The following FHIT variants were observed in gnomAD, a reference collection of about 807,000 sequenced individuals.
FHIT encodes the protein bis(5'-adenosyl)-triphosphatase.
In FHIT, 19 loss-of-function variants were observed where a neutral mutation model predicts 17.9. The observed-to-expected ratio is 1.06, with a 90% CI of 0.74 to 1.56. The LOEUF is 1.56. FHIT is among the 40% of genes most tolerant of loss of function. The pLI, the probability that FHIT is intolerant of heterozygous loss-of-function variation, is 0.00. For missense variants in FHIT, 248 were observed against 189.2 expected (o/e 1.31, Z -1.82); for synonymous variants, 81 against 69.7 (o/e 1.16, Z -0.81).
At chr3:60,613,640 C>T (rs139051015) in intron 4 of FHIT, among the ~76,000 whole-genome samples, 168 of 152,198 alleles carry the variant, frequency 1.1e-3, no homozygotes, top group African/African-American at 3.9e-3. Context: ...TCTCTCCCTA[C>T]TTCCTTTTCT....
intron 8 of FHIT, among the ~76,000 whole-genome samples, chr3:59,895,130 A>G (rs1175820631): frequency 6.6e-6 from 1 of 152,186 alleles, no homozygotes; most frequent in African/African-American, 2.4e-5. Flanking sequence ...GAATGCTACA[A>G]AACATCTCAC....
At chr3:60,677,792 G>T (rs1553695780) in intron 4 of FHIT, among the ~76,000 whole-genome samples, 1 of 152,140 alleles carries the variant, frequency 6.6e-6, no homozygotes, top group Non-Finnish European at 1.5e-5. Flanking sequence ...AAGCCATCCA[G>T]TCCTGGGCAT....
At chr3:60,490,946 C>T (rs2034037884) in intron 5 of FHIT, among the ~76,000 whole-genome samples, 1 of 152,112 alleles carries the variant, frequency 6.6e-6, no homozygotes, top group South Asian at 2.1e-4. Flanking sequence ...CTTTGTGCTA[C>T]CTTTCCTCTA....
intron 4 of FHIT, among the ~76,000 whole-genome samples, chr3:60,705,697 T>A (rs1376387141): frequency 1.3e-5 from 2 of 152,158 alleles, no homozygotes; most frequent in African/African-American, 4.8e-5. Context: ...AAATGGTGTA[T>A]ACACATATAC....
intron 8 of FHIT, among the ~76,000 whole-genome samples, chr3:59,844,035 G>A (rs1053556724): frequency 2.0e-5 from 3 of 151,934 alleles, no homozygotes; most frequent in Non-Finnish European, 2.9e-5. Context: ...TTTTGCTTCC[G>A]CTCTGGCCAT....
intron 4 of FHIT, among the ~76,000 whole-genome samples, chr3:60,798,101 T>C (rs1701050718): frequency 6.6e-6 from 1 of 152,212 alleles, no homozygotes; most frequent in Non-Finnish European, 1.5e-5. Flanking sequence ...CTCTTCTCTG[T>C]CACTGCCCTA....
At chr3:61,004,545 A>T (rs1256990527) in intron 3 of FHIT, among the ~76,000 whole-genome samples, 1 of 152,206 alleles carries the variant, frequency 6.6e-6, no homozygotes, top group Non-Finnish European at 1.5e-5. Flanking sequence ...AGGAGCACTG[A>T]CCAGAACTTG....
intron 4 of FHIT, among the ~76,000 whole-genome samples, chr3:60,639,459 C>G (rs868978506): frequency 6.6e-6 from 1 of 151,992 alleles, no homozygotes; most frequent in African/African-American, 2.4e-5. Context: ...GTTGGGGAGA[C>G]AAAATTGCAA....
intron 5 of FHIT, among the ~76,000 whole-genome samples, chr3:60,293,074 T>C (rs1272759377): frequency 6.6e-6 from 1 of 152,154 alleles, no homozygotes; most frequent in Non-Finnish European, 1.5e-5. Context: ...TTTCAGAGCA[T>C]AAAAATGTCT....
At chr3:59,887,858 T>C (rs1218544478) in intron 8 of FHIT, among the ~76,000 whole-genome samples, 1 of 152,166 alleles carries the variant, frequency 6.6e-6, no homozygotes, top group Non-Finnish European at 1.5e-5. Flanking sequence ...CAATTCCCTT[T>C]CTCCAAGATG....
chr3:61,205,604 G>A (rs576539295), intron 1 of FHIT, among the ~76,000 whole-genome samples: 2 of 152,256 alleles, frequency 1.3e-5, no homozygotes, highest in East Asian at 3.9e-4. Context: ...GTGTCTTTTG[G>A]CTGCGTAAAT....
chr3:60,120,059 A>G (rs1369958306), intron 5 of FHIT, among the ~76,000 whole-genome samples: 1 of 152,138 alleles, frequency 6.6e-6, no homozygotes, highest in African/African-American at 2.4e-5. Context: ...CCACATTTCT[A>G]ATAGTTTAAA....
intron 3 of FHIT, among the ~76,000 whole-genome samples, chr3:60,850,587 A>T (rs1348502160): frequency 6.6e-6 from 1 of 152,010 alleles, no homozygotes; most frequent in African/African-American, 2.4e-5. Context: ...ACTTATTAAA[A>T]CACCATGAAG....
At chr3:60,954,914 C>A (rs1316892994) in intron 3 of FHIT, among the ~76,000 whole-genome samples, 4 of 152,160 alleles carry the variant, frequency 2.6e-5, no homozygotes, top group African/African-American at 9.7e-5. Flanking sequence ...GTACTCCAGG[C>A]AAACACCATC....
intron 3 of FHIT, among the ~76,000 whole-genome samples, chr3:60,985,473 T>C (rs558599124): frequency 1.3e-4 from 20 of 152,296 alleles, no homozygotes; most frequent in Middle Eastern, 3.4e-3. Flanking sequence ...CCACTGCCTA[T>C]GGCCACAGGA....
At position 60,028,292 on chromosome 3, in the gene FHIT, C is replaced by T. The variant is rs186334024; in HGVS notation, c.104-14140G>A. Among the ~76,000 whole-genome samples the T allele has an allele frequency of 4.3e-4, 66 of 152,372 alleles. 2 individuals are homozygous for T. Among genetic ancestry groups the T allele is most frequent in the Admixed American group, 1.0e-3 (16 of 15,302 alleles). On this transcript the variant is annotated intron_variant, in intron 5 of 9. Transcript: ENST00000492590. ...ATTTCAGTTACTCCAGTTTAAACAACACCAATTCCCCAACAACACGGTTTA... is the reference window on the plus strand; with the variant it reads ...ATTTCAGTTACTCCAGTTTAAACAATACCAATTCCCCAACAACACGGTTTA...
rs144131240 is a variant in FHIT at position 60,613,398 on chromosome 3, G to T, written c.-17-76419C>A. On this transcript the variant is annotated intron_variant, in intron 4 of 9. Transcript: ENST00000492590. ...AGTGCAGTGAGAGATGGGCTGGGGA[G>T]TAAGGTAGACAAAAGGATCTAAAGA... Among the ~76,000 whole-genome samples the T allele has an allele frequency of 9.7e-4, 148 of 152,308 alleles. 1 individual carries two copies. The highest frequency in any genetic ancestry group is 1.4e-3 in the Non-Finnish European group (95 of 68,026).
At chr3:60,482,769 C>A (rs1339405524) in intron 5 of FHIT, among the ~76,000 whole-genome samples, 2 of 151,328 alleles carry the variant, frequency 1.3e-5, no homozygotes, top group South Asian at 4.2e-4. Flanking sequence ...ATTAAAAGAG[C>A]TAGAGAGGCA....
At chr3:60,129,049 G>GTTGTTTTTTTTTTTTTTTTTTTTTTTTTT (rs759645654) in intron 5 of FHIT, among the ~76,000 whole-genome samples, 1 of 121,042 alleles carries the variant, frequency 8.3e-6, no homozygotes, top group African/African-American at 3.6e-5. Flanking sequence ...TTCCTTTTTT[G>GTTGTTTTTTTTTTTTTTTTTTTTTTTTTT]TTTGTTTTTT....
Sources: gnomAD v4.1 joint callset for allele counts (sites outside exome capture counted in the v4.1 genomes callset) on GRCh38, gnomAD v4.1.1 for gene constraint, MANE v1.5 for transcripts, NCBI Gene and HGNC (gene_info 2026-07-23, HGNC 2026-07-21) for gene names.